DPP6: variants seen among roughly 807,000 people sequenced by gnomAD.
The protein encoded by DPP6 is dipeptidyl peptidase like 6.
Under a neutral mutation model 122.6 loss-of-function variants are expected in DPP6, and 69 were observed. That is an observed-to-expected ratio of 0.56 (90% confidence interval 0.46 to 0.69). The LOEUF is 0.69. Ranked by LOEUF, DPP6 falls within the 30% of genes least tolerant of loss-of-function variation. The pLI, the probability that DPP6 is intolerant of heterozygous loss-of-function variation, is 0.00. For synonymous variants in DPP6, 418 were observed against 433.1 expected, an observed-to-expected ratio of 0.97 and a Z score of 0.43; for missense variants, 928 against 1,116.9, an observed-to-expected ratio of 0.83 and a Z score of 2.41.
At chr7:153,808,325 C>T in the DPP6 span, among the ~76,000 whole-genome samples, 1 of 144,432 alleles carries the variant, frequency 6.9e-6, no homozygotes, top group East Asian at 2.0e-4. Flanking sequence ...CTGTGTGTGT[C>T]TGTGTGCATA....
chr7:153,879,035 C>T, the DPP6 span, among the ~76,000 whole-genome samples: 18 of 152,196 alleles, frequency 1.2e-4, no homozygotes, highest in East Asian at 3.9e-4. Flanking sequence ...TAAGTAATGG[C>T]GGCCCCTCTC....
chr7:154,123,706 C>T (rs1213842568), intron 1 of DPP6, among the ~76,000 whole-genome samples: 5 of 151,108 alleles, frequency 3.3e-5, no homozygotes, highest in African/African-American at 4.9e-5. Context: ...ATGTGCCGCT[C>T]GCTCACGGGG....
intron 1 of DPP6, among the ~76,000 whole-genome samples, chr7:154,319,201 G>A (rs1000871151): frequency 6.6e-6 from 1 of 152,002 alleles, no homozygotes; most frequent in Admixed American, 6.6e-5. Context: ...TCTATTTCAT[G>A]TACAAACACA....
intron 3 of DPP6, among the ~76,000 whole-genome samples, chr7:154,533,129 A>G (rs1393840451): frequency 6.6e-6 from 1 of 152,196 alleles, no homozygotes; most frequent in Non-Finnish European, 1.5e-5. Context: ...TCATCAAACC[A>G]AAGCATAAAA....
chr7:153,823,343 G>C, the DPP6 span, among the ~76,000 whole-genome samples: 1 of 150,902 alleles, frequency 6.6e-6, no homozygotes, highest in Non-Finnish European at 1.5e-5. Flanking sequence ...AGCCTCCCAG[G>C]TTCCAGCCCA....
At chr7:153,865,248 T>C in the DPP6 span, among the ~76,000 whole-genome samples, 2 of 152,140 alleles carry the variant, frequency 1.3e-5, no homozygotes, top group Non-Finnish European at 2.9e-5. Flanking sequence ...TCTGGCAAAA[T>C]GTTACAGAAT....
At chr7:154,124,368 G>A (rs543039969) in intron 1 of DPP6, among the ~76,000 whole-genome samples, 1 of 152,228 alleles carries the variant, frequency 6.6e-6, no homozygotes, top group African/African-American at 2.4e-5. Flanking sequence ...GAGCATGAGA[G>A]GGACACTGCA....
intron 5 of DPP6, among the ~76,000 whole-genome samples, chr7:154,608,776 A>G (rs1236022760): frequency 1.3e-5 from 2 of 152,050 alleles, no homozygotes; most frequent in Non-Finnish European, 2.9e-5. Context: ...ATACAGCTTA[A>G]TTTATACATA....
At chr7:153,800,810 C>A in the DPP6 span, among the ~76,000 whole-genome samples, 27 of 152,000 alleles carry the variant, frequency 1.8e-4, no homozygotes, top group African/African-American at 6.0e-4. Flanking sequence ...AGCCACAGCA[C>A]CCAGCCCAGT....
rs1259744434 is a variant in DPP6 at position 154,821,923 on chromosome 7, C to T, written c.1666+14811C>T. 6.6e-6 allele frequency among the ~76,000 whole-genome samples: 1 copy of T among 151,970 alleles called. No homozygotes were observed. Among genetic ancestry groups the T allele is most frequent in the Non-Finnish European group, 1.5e-5 (1 of 68,006 alleles). ...AAATTCACAGTAAGCCTTTGCAGAC[C>T]CACAGCGGTGCTTCCGGTTAAAAGC... On this transcript the variant is annotated intron_variant, in intron 16 of 25. Transcript: ENST00000377770. This position sits in a 1 kb window ranked among gnomAD's most constrained non-coding sequence, Gnocchi z 4.2.
At chr7:153,817,781 G>C in the DPP6 span, among the ~76,000 whole-genome samples, 1 of 115,340 alleles carries the variant, frequency 8.7e-6, no homozygotes, top group Non-Finnish European at 1.7e-5. Flanking sequence ...TGGGGGGAGG[G>C]GGGAGGGATA....
At chr7:153,912,198 G>A (rs1057188355) in intron 1 of DPP6, among the ~76,000 whole-genome samples, 1 of 152,196 alleles carries the variant, frequency 6.6e-6, no homozygotes, top group Non-Finnish European at 1.5e-5. Context: ...AAGAAGTTCA[G>A]AGAAGAAAAG....
intron 1 of DPP6, among the ~76,000 whole-genome samples, chr7:154,287,210 G>A (rs1222703424): frequency 6.6e-6 from 1 of 152,240 alleles, no homozygotes; most frequent in African/African-American, 2.4e-5. Flanking sequence ...AGAGATGCAA[G>A]CTCACTTAGA....
chr7:153,818,499 C>T, the DPP6 span, among the ~76,000 whole-genome samples: 1 of 152,044 alleles, frequency 6.6e-6, no homozygotes, highest in Non-Finnish European at 1.5e-5. Flanking sequence ...TAGACTACTA[C>T]CCAGTGGCAG....
rs549014939 is a variant in DPP6 at position 154,857,714 on chromosome 7, G to C, written c.1714+3887G>C. ...CAGCATCTTGTTCGTGGTGTGGTTG[G>C]ACCACATCAGAGCCTCCTCGTGGCC... On this transcript the variant is annotated intron_variant, in intron 17 of 25. Coordinates refer to ENST00000377770, the MANE Select transcript of DPP6 (RefSeq NM_130797.4). 2.0e-5 allele frequency among the ~76,000 whole-genome samples: 3 copies of C among 152,278 alleles called. No individual in the cohort carries two copies. In the South Asian group the frequency reaches 6.2e-4, roughly 32 times the overall value.
intron 1 of DPP6, among the ~76,000 whole-genome samples, chr7:154,162,765 T>C (rs1797046439): frequency 6.6e-6 from 1 of 152,204 alleles, no homozygotes; most frequent in Admixed American, 6.5e-5. Flanking sequence ...TGTGCATTGC[T>C]AGCATTGAGT....
intron 2 of DPP6, among the ~76,000 whole-genome samples, chr7:154,470,866 C>T (rs1822203622): frequency 6.6e-6 from 1 of 152,188 alleles, no homozygotes; most frequent in Non-Finnish European, 1.5e-5. Context: ...CTTTATGTTG[C>T]CTTCCAGTTT....
chr7:154,676,132 G>A (rs117952755), intron 7 of DPP6, among the ~76,000 whole-genome samples: 2,473 of 146,510 alleles, frequency 0.017, 44 homozygotes, highest in Non-Finnish European at 0.027. Flanking sequence ...ATGCTGTCTG[G>A]AGGTCCAGCT....
At chr7:154,157,751 T>C (rs1436378564) in intron 1 of DPP6, among the ~76,000 whole-genome samples, 2 of 151,944 alleles carry the variant, frequency 1.3e-5, no homozygotes, top group Admixed American at 1.3e-4. Context: ...CTGACCAACA[T>C]GGAGAAACTC....
Sources: gnomAD v4.1 joint callset for allele counts (sites outside exome capture counted in the v4.1 genomes callset) on GRCh38, gnomAD v4.1.1 for gene constraint, Gnocchi (gnomAD v3.1) non-coding constraint, MANE v1.5 for transcripts, NCBI Gene and HGNC (gene_info 2026-07-23, HGNC 2026-07-21) for gene names.